Variants in UCHL3 observed in about 807,000 individuals in gnomAD.
The protein encoded by UCHL3 is ubiquitin carboxyl-terminal hydrolase isozyme L3.
A neutral mutation model predicts 35.8 loss-of-function variants in UCHL3; 22 were observed. The ratio of observed to expected loss-of-function variants is 0.61; its 90% CI spans 0.44 to 0.88. UCHL3 has a LOEUF of 0.88. Ranked by LOEUF, UCHL3 falls within the 40% of genes least tolerant of loss-of-function variation. The pLI is 0.00. For synonymous variants in UCHL3, 90 were observed against 92.8 expected, an observed-to-expected ratio of 0.97 and a Z score of 0.17; for missense variants, 229 against 276.9, an observed-to-expected ratio of 0.83 and a Z score of 1.23.
chr13:75,604,732 A>T (rs1283168401), intron 7 of UCHL3, 37 bp from the exon 8 acceptor site: 1 of 1,556,226 alleles, frequency 6.4e-7, no homozygotes, highest in African/African-American at 1.4e-5. Flanking sequence ...TCCTGTAAAA[A>T]CAGCTAAGCA....
At chr13:75,567,357 G>T (rs763459962) in intron 5 of UCHL3, 45 bp downstream of exon 5, 1 of 1,564,172 alleles carries the variant, frequency 6.4e-7, no homozygotes, top group Admixed American at 1.7e-5. Flanking sequence ...GCAAAAGTTT[G>T]TGGGATTGTA....
intron 6 of UCHL3, among the ~76,000 whole-genome samples, chr13:75,592,427 T>TATGTATATACATATATACATATAC (rs1342558860): frequency 1.4e-5 from 1 of 72,404 alleles, no homozygotes; most frequent in Non-Finnish European, 3.0e-5. Flanking sequence ...TATATATATA[T>TATGTATATACATATATACATATAC]ATATATATAT....
intron 7 of UCHL3, among the ~76,000 whole-genome samples, chr13:75,599,134 A>ATTT (rs35853503): frequency 4.7e-5 from 6 of 127,920 alleles, no homozygotes; most frequent in Non-Finnish European, 1.6e-5. Context: ...ATGCCTGGCT[A>ATTT]TTTTTTTTTT....
chr13:75,605,177 C>T (rs550388107), intron 8 of UCHL3, among the ~76,000 whole-genome samples: 1 of 152,216 alleles, frequency 6.6e-6, no homozygotes, highest in South Asian at 2.1e-4. Context: ...ATCAATGAAA[C>T]GTGATTTTTA....
At chr13:75,568,579 G>C (rs547641615) in intron 5 of UCHL3, among the ~76,000 whole-genome samples, 1 of 151,840 alleles carries the variant, frequency 6.6e-6, no homozygotes, top group South Asian at 2.1e-4. Context: ...ATACCAGTAA[G>C]TATATATTTG....
intron 2 of UCHL3, among the ~76,000 whole-genome samples, chr13:75,558,609 T>G (rs1212363817): frequency 6.6e-6 from 1 of 152,236 alleles, no homozygotes; most frequent in Non-Finnish European, 1.5e-5. Flanking sequence ...GATTAATGAA[T>G]GCTAGGGTTT....
chr13:75,561,124 A>G (rs1276749712), intron 3 of UCHL3, among the ~76,000 whole-genome samples: 1 of 152,106 alleles, frequency 6.6e-6, no homozygotes, highest in Non-Finnish European at 1.5e-5. Context: ...TTGTAGAGAC[A>G]GGGCCTCACC....
At chr13:75,595,154 A>G (rs1008458950) in intron 7 of UCHL3, among the ~76,000 whole-genome samples, 164 bp downstream of exon 7, 2 of 152,260 alleles carry the variant, frequency 1.3e-5, no homozygotes, top group African/African-American at 2.4e-5. Flanking sequence ...ACAGTTTACT[A>G]GAAAAATGTT....
chr13:75,602,291 C>T (rs886349481), intron 7 of UCHL3, among the ~76,000 whole-genome samples: 3 of 152,172 alleles, frequency 2.0e-5, no homozygotes, highest in South Asian at 2.1e-4. Flanking sequence ...TGTCGCTTGT[C>T]TCTTGTACAA....
At chr13:75,574,061 CA>C (rs2031947164) in intron 6 of UCHL3, among the ~76,000 whole-genome samples, 1 of 151,976 alleles carries the variant, frequency 6.6e-6, no homozygotes, top group East Asian at 1.9e-4. Flanking sequence ...ACTAAAAATA[CA>C]AAAAAACTAG....
At chr13:75,556,403 T>C (rs2031294027) in intron 2 of UCHL3, among the ~76,000 whole-genome samples, 1 of 152,192 alleles carries the variant, frequency 6.6e-6, no homozygotes, top group Non-Finnish European at 1.5e-5. Flanking sequence ...GGCAGTAATA[T>C]CAAGTAATTG....
At chr13:75,561,466 T>G (rs2031492553) in intron 3 of UCHL3, among the ~76,000 whole-genome samples, 1 of 152,068 alleles carries the variant, frequency 6.6e-6, no homozygotes, top group South Asian at 2.1e-4. Context: ...GCCTCAGCTG[T>G]GTTTTGATGT....
In UCHL3 at chr13:75,569,454, T is replaced by C. The variant is rs543493167; in HGVS notation, c.427-6T>C. On this transcript the variant is annotated splice_polypyrimidine_tract_variant and splice_region_variant and intron_variant, in intron 5 of 8. Coordinates refer to ENST00000377595, the MANE Select transcript of UCHL3 (RefSeq NM_006002.5). ...TTTCCAATGAATACCTTTATTCTTA[T>C]TACAGGCCATCCGAGTTACTCATGA... 1.1e-5 allele frequency: 17 copies of C among 1,607,258 alleles called. No homozygotes were observed. In the Admixed American group the frequency reaches 1.7e-4, roughly 16 times the overall value.
At chr13:75,561,911 A>G (rs2031530021) in intron 3 of UCHL3, among the ~76,000 whole-genome samples, 1 of 151,922 alleles carries the variant, frequency 6.6e-6, no homozygotes, top group Non-Finnish European at 1.5e-5. Flanking sequence ...ATGCACATAT[A>G]TATGTATAGT....
Position 75,594,966 on chromosome 13 carries a change from G to A in UCHL3, c.526G>A (p.Val176Ile), listed in dbSNP as rs750557779. 116 of 1,607,134 alleles carry A rather than the reference G, an allele frequency of 7.2e-5. No individual in the cohort carries two copies. Among genetic ancestry groups the A allele is most frequent in the Non-Finnish European group, 9.8e-5 (115 of 1,178,274 alleles). The change falls in exon 7 of 9, where the codon GTA becomes ATA. Residue 176 changes from valine to isoleucine, a missense_variant. Coordinates refer to ENST00000377595, the MANE Select transcript of UCHL3 (RefSeq NM_006002.5). ...VDLHFIALVH[V>I]DGHLYELDGR... ...TCTTCATTTTATTGCATTAGTTCAT[G>A]TAGATGGGCATCTCTATGAATTAGG...
At chr13:75,569,351 T>A (rs1473974291) in intron 5 of UCHL3, 109 bp from the exon 6 acceptor site, 1 of 762,292 alleles carries the variant, frequency 1.3e-6, no homozygotes, top group Non-Finnish European at 2.1e-6. Context: ...TTCCTTCAAT[T>A]TGTTGTTTCT....
intron 7 of UCHL3, among the ~76,000 whole-genome samples, chr13:75,598,108 A>G (rs2032691055): frequency 6.6e-6 from 1 of 152,218 alleles, no homozygotes; most frequent in Non-Finnish European, 1.5e-5. Context: ...TGTCTACCTG[A>G]AGTAACAGGA....
At chr13:75,590,043 G>A (rs1304220662) in intron 6 of UCHL3, 3 of 1,304,476 alleles carry the variant, frequency 2.3e-6, no homozygotes, top group African/African-American at 1.5e-5. Context: ...TAACCATGTA[G>A]GCCCTGCAAA....
intron 6 of UCHL3, among the ~76,000 whole-genome samples, chr13:75,586,810 A>G (rs1417634144): frequency 6.6e-6 from 1 of 151,964 alleles, no homozygotes. Context: ...AGAAATTAGA[A>G]AACATTTTGA....
Sources: allele counts gnomAD v4.1 joint callset (sites outside exome capture counted in the v4.1 genomes callset), GRCh38; gene constraint gnomAD v4.1.1; transcripts MANE v1.5; gene names NCBI Gene and HGNC (gene_info 2026-07-23, HGNC 2026-07-21).